PHEX: variants seen among roughly 807,000 people sequenced by gnomAD.
PHEX encodes phosphate-regulating neutral endopeptidase PHEX.
Under a neutral mutation model 68.0 loss-of-function variants are expected in PHEX, and 16 were observed. That is an observed-to-expected ratio of 0.24 (90% confidence interval 0.16 to 0.36). The LOEUF is 0.36. Ranked by LOEUF, PHEX falls within the 10% of genes least tolerant of loss-of-function variation. The pLI is 1.00. For synonymous variants in PHEX, 208 were observed against 205.1 expected, an observed-to-expected ratio of 1.01 and a Z score of -0.12; for missense variants, 480 against 575.5, an observed-to-expected ratio of 0.83 and a Z score of 1.70.
chrX:22,205,651 AATT>A (rs1297712073), intron 15 of PHEX, among the ~76,000 whole-genome samples: 2 of 105,230 alleles, frequency 1.9e-5, no homozygotes, highest in East Asian at 5.7e-4. Flanking sequence ...ATTAATATTA[AATT>A]ATTAATTTAT....
intron 12 of PHEX, among the ~76,000 whole-genome samples, chrX:22,140,782 G>GT (rs1219955579): frequency 1.6e-4 from 18 of 111,779 alleles, no homozygotes; most frequent in Admixed American, 1.4e-3. Flanking sequence ...GTGCCTGGCT[G>GT]TTTTTTCTAT....
At chrX:22,239,315 G>A (rs1490644784) in intron 20 of PHEX, among the ~76,000 whole-genome samples, 2 of 111,373 alleles carry the variant, frequency 1.8e-5, no homozygotes, top group African/African-American at 6.5e-5. Flanking sequence ...CCAAAACCCA[G>A]AACGCCTCTT....
intron 1 of PHEX, among the ~76,000 whole-genome samples, chrX:22,033,492 G>A (rs1346123010): frequency 1.8e-5 from 2 of 112,126 alleles, no homozygotes; most frequent in East Asian, 5.6e-4. Context: ...ACTTTACATT[G>A]TGATGAAAAC....
chrX:22,157,957 CA>C lies in PHEX; in HGVS notation c.1405-10353del, dbSNP rs747487181. 1.8e-3 allele frequency among the ~76,000 whole-genome samples: 203 copies of C among 111,718 alleles called. 1 individual carries two copies. The highest frequency in any genetic ancestry group is 6.4e-3 in the African/African-American group (196 of 30,787). Reference sequence around the variant, plus strand: ...TCTGCTTGTGGACCGCACCCAAAAGCAATTTGCAGAATTAAAGTTTTTGAAG... The same window carrying C: ...TCTGCTTGTGGACCGCACCCAAAAGCATTTGCAGAATTAAAGTTTTTGAAG... On this transcript the variant is annotated intron_variant, in intron 12 of 21. Coordinates refer to ENST00000379374, the MANE Select transcript of PHEX (RefSeq NM_000444.6).
intron 5 of PHEX, among the ~76,000 whole-genome samples, chrX:22,087,468 C>A (rs1374022005): frequency 6.3e-5 from 7 of 111,322 alleles, no homozygotes; most frequent in Admixed American, 3.8e-4. Flanking sequence ...TTTGAAAGTG[C>A]CTTTTTTCCC....
Position 22,136,455 on chromosome X carries a change from G to A in PHEX, c.1404+2831G>A, listed in dbSNP as rs773055385. Among the ~76,000 whole-genome samples, 3 of 112,048 alleles carry A rather than the reference G, an allele frequency of 2.7e-5. No individual in the cohort carries two copies. In the East Asian group the frequency reaches 8.4e-4, roughly 31 times the overall value. ...GTTGTATGCAGTGTATCACCCAGGC[G>A]GAAGATTTCTCATCAATAATAGTGC... On this transcript the variant is annotated intron_variant, in intron 12 of 21. Coordinates refer to ENST00000379374, the MANE Select transcript of PHEX (RefSeq NM_000444.6).
intron 11 of PHEX, among the ~76,000 whole-genome samples, chrX:22,128,857 C>G (rs1302079649): frequency 2.0e-5 from 2 of 101,593 alleles, no homozygotes; most frequent in Non-Finnish European, 4.0e-5. Flanking sequence ...CAAGACCCCC[C>G]CCAACCCCCG....
chrX:22,236,372 C>T (rs1431533642), intron 20 of PHEX, among the ~76,000 whole-genome samples: 2 of 112,755 alleles, frequency 1.8e-5, no homozygotes, highest in African/African-American at 6.5e-5. Context: ...CACAGCTAAT[C>T]TTCTGGATCC....
chrX:22,123,367 G>C (rs1006784816), intron 11 of PHEX, among the ~76,000 whole-genome samples: 1 of 111,045 alleles, frequency 9.0e-6, no homozygotes, highest in East Asian at 2.8e-4. Context: ...AAAGCTGTCA[G>C]TGCTGTGTAT....
intron 15 of PHEX, among the ~76,000 whole-genome samples, chrX:22,200,951 C>T (rs982646985): frequency 2.7e-5 from 3 of 111,544 alleles, no homozygotes; most frequent in Non-Finnish European, 5.6e-5. Context: ...CTGTGATCTC[C>T]TTGGGTCTTT....
At chrX:22,236,123 C>T (rs1935969985) in intron 20 of PHEX, among the ~76,000 whole-genome samples, 1 of 111,730 alleles carries the variant, frequency 9.0e-6, no homozygotes, top group Admixed American at 9.5e-5. Context: ...TTCTGATTCT[C>T]CTTCTATAAT....
At chrX:22,110,759 A>G (rs1205429273) in intron 9 of PHEX, among the ~76,000 whole-genome samples, 2 of 112,007 alleles carry the variant, frequency 1.8e-5, no homozygotes, top group African/African-American at 3.2e-5. Flanking sequence ...CAATGAGAAC[A>G]CTTGGACACA....
At chrX:22,071,825 C>T (rs995613442) in intron 3 of PHEX, among the ~76,000 whole-genome samples, 1 of 112,616 alleles carries the variant, frequency 8.9e-6, no homozygotes, top group Non-Finnish European at 1.9e-5. Flanking sequence ...TCACCGGGCG[C>T]GGTGGCTCAT....
At chrX:22,074,485 T>TG (rs1334125100) in intron 3 of PHEX, among the ~76,000 whole-genome samples, 2 of 110,779 alleles carry the variant, frequency 1.8e-5, no homozygotes, top group African/African-American at 3.3e-5. Flanking sequence ...ATAGATAGCA[T>TG]GCCTTGGAAG....
At chrX:22,067,062 G>T (rs1442781931) in intron 3 of PHEX, among the ~76,000 whole-genome samples, 1 of 109,919 alleles carries the variant, frequency 9.1e-6, no homozygotes, top group African/African-American at 3.3e-5. Flanking sequence ...TGGGCAGTAT[G>T]GCGAAACCTC....
At chrX:22,211,197 T>C (rs935722290) in intron 15 of PHEX, among the ~76,000 whole-genome samples, 2 of 112,253 alleles carry the variant, frequency 1.8e-5, no homozygotes, top group Non-Finnish European at 3.8e-5. Flanking sequence ...CCCACTCATC[T>C]GCACTCAATG....
chrX:22,227,528 G>T lies in PHEX; in HGVS notation c.1987G>T (p.Asp663Tyr). 2 of 1,204,686 alleles carry T rather than the reference G, an allele frequency of 1.7e-6. No homozygotes were observed. Among genetic ancestry groups the T allele is most frequent in the Non-Finnish European group, 2.2e-6 (2 of 889,039 alleles). ...CCAGGCTTACAGGAAATGGATAAAT[G>T]ACAGAAGGCAGGGACTTGAGGAGCC... Reference protein sequence around the residue: ...AFRAYRKWINDRRQGLEEPLL... With the variant: ...AFRAYRKWINYRRQGLEEPLL... Residue 663 changes from aspartate (D) to tyrosine (Y), a missense_variant, in exon 20 of 22, where the codon GAC becomes TAC. Coordinates refer to ENST00000379374, the MANE Select transcript of PHEX (RefSeq NM_000444.6).
At chrX:22,238,823 T>C (rs1239559259) in intron 20 of PHEX, among the ~76,000 whole-genome samples, 2 of 111,765 alleles carry the variant, frequency 1.8e-5, no homozygotes, top group Non-Finnish European at 3.8e-5. Flanking sequence ...TGGGCACAGC[T>C]TCAGCAGACT....
chrX:22,077,693 T>C lies in PHEX; in HGVS notation c.654T>C (p.His218=), dbSNP rs1929219733. Reference sequence around the variant, plus strand: ...CTGATGACAAAGCATCCAATGAACATATCTTGAAGGTATAATGAGGACCCA... The same window carrying C: ...CTGATGACAAAGCATCCAATGAACACATCTTGAAGGTATAATGAGGACCCA... ...VSPDDKASNE[H]ILKLDQATLS... Residue 218 remains histidine (H), a synonymous_variant, in exon 5 of 22, where the codon CAT becomes CAC. Transcript: ENST00000379374. 1.7e-6 allele frequency: 2 copies of C among 1,192,252 alleles called. No individual in the cohort carries two copies. The highest frequency in any genetic ancestry group is 3.0e-5 in the East Asian group (1 of 33,761).
Sources: gnomAD v4.1 joint callset for allele counts (sites outside exome capture counted in the v4.1 genomes callset) on GRCh38, gnomAD v4.1.1 for gene constraint, MANE v1.5 for transcripts, NCBI Gene and HGNC (gene_info 2026-07-23, HGNC 2026-07-21) for gene names.